The following MMP16 variants were observed in gnomAD, a reference collection of about 807,000 sequenced individuals.
The protein encoded by MMP16 is matrix metalloproteinase-16.
In MMP16, 12 loss-of-function variants were observed where a neutral mutation model predicts 67.8. The ratio of observed to expected loss-of-function variants is 0.18; its 90% confidence interval spans 0.11 to 0.29. The LOEUF is 0.29. Ranked by LOEUF, MMP16 falls within the 10% of genes least tolerant of loss-of-function variation. The pLI is 1.00. For missense variants in MMP16, 475 were observed against 765.7 expected (o/e 0.62, Z 4.48); for synonymous variants, 249 against 255.9 (o/e 0.97, Z 0.26).
chr8:88,100,126 C>A (rs1010249469), intron 6 of MMP16, among the ~76,000 whole-genome samples: 1 of 151,890 alleles, frequency 6.6e-6, no homozygotes, highest in African/African-American at 2.4e-5. Flanking sequence ...GCTTTTGTTG[C>A]CATTGCTTTT....
In MMP16 at chr8:88,098,117, T is replaced by C. The variant is rs551316667; in HGVS notation, c.1083+18390A>G. Among the ~76,000 whole-genome samples, 3 of 152,086 alleles carry C rather than the reference T, an allele frequency of 2.0e-5. No individual in the cohort carries two copies. The South Asian group carries it at 6.2e-4, about 32-fold the overall frequency. ...GACCCAAAGAACTCACTGAAAACTA[T>C]TATGCTCATCGATATGTTTTATTAC... On this transcript the variant is annotated intron_variant, in intron 6 of 9. Transcript: ENST00000286614.
chr8:88,326,843 T>A, intron 1 of MMP16: 1 of 461,830 alleles, frequency 2.2e-6, no homozygotes, highest in South Asian at 2.5e-5. Flanking sequence ...TACAATTGTG[T>A]CTTTGAGCGC....
chr8:88,284,200 A>G (rs1221852716), intron 1 of MMP16, among the ~76,000 whole-genome samples: 2 of 152,168 alleles, frequency 1.3e-5, no homozygotes, highest in Non-Finnish European at 2.9e-5. Flanking sequence ...TAATCCTCCA[A>G]ATACAAAAAG....
chr8:88,143,382 C>T (rs988134661), intron 4 of MMP16, among the ~76,000 whole-genome samples: 6 of 152,060 alleles, frequency 3.9e-5, no homozygotes, highest in African/African-American at 1.4e-4. Context: ...TCTTCCGTAT[C>T]TTCAGCATAA....
chr8:88,294,454 A>G (rs1416561145), intron 1 of MMP16, among the ~76,000 whole-genome samples: 1 of 151,452 alleles, frequency 6.6e-6, no homozygotes, highest in Non-Finnish European at 1.5e-5. Flanking sequence ...ATACACACAT[A>G]TGCATGTCTC....
chr8:88,118,743 G>C lies in MMP16; in HGVS notation c.828C>G (p.Phe276Leu). 1 of 1,613,410 alleles carries C rather than the reference G, an allele frequency of 6.2e-7. No homozygotes were observed. Among genetic ancestry groups the C allele is most frequent in the Non-Finnish European group, 8.5e-7 (1 of 1,179,548 alleles). ...CCTGTAAATCATCATTAGGTAGTTT[G>C]AAGTTGTCTGTTTCCATGTACTGGT... ...PFYQYMETDNFKLPNDDLQGI... is the reference protein window; with the variant it reads ...PFYQYMETDNLKLPNDDLQGI... Residue 276 changes from phenylalanine to leucine, a missense_variant, in exon 5 of 10, where the codon TTC becomes TTG. Transcript: ENST00000286614.
chr8:88,213,779 T>C (rs1194080426), intron 1 of MMP16, among the ~76,000 whole-genome samples: 3 of 152,000 alleles, frequency 2.0e-5, no homozygotes, highest in African/African-American at 7.3e-5. Flanking sequence ...GAAAAAGGAG[T>C]AATCACTTAG....
At chr8:88,308,040 A>T (rs1225543614) in intron 1 of MMP16, among the ~76,000 whole-genome samples, 1 of 152,130 alleles carries the variant, frequency 6.6e-6, no homozygotes, top group Non-Finnish European at 1.5e-5. Flanking sequence ...AAATGTTTAA[A>T]TAAATCTGTG....
intron 1 of MMP16, 69 bp downstream of exon 1, chr8:88,327,006 G>A (rs1465157317): frequency 4.4e-6 from 7 of 1,597,538 alleles, no homozygotes; most frequent in East Asian, 4.5e-5. Flanking sequence ...AAGGATCCCA[G>A]GAGTGAAGGA....
At chr8:88,284,032 C>T (rs1585998480) in intron 1 of MMP16, among the ~76,000 whole-genome samples, 1 of 152,164 alleles carries the variant, frequency 6.6e-6, no homozygotes, top group Non-Finnish European at 1.5e-5. Flanking sequence ...GAATTGTTTG[C>T]CCCCAAACAT....
In MMP16 at chr8:88,056,200, A is replaced by G. The variant is rs149191104; in HGVS notation, c.1301T>C (p.Ile434Thr). The change falls in exon 8 of 10, where the codon ATT becomes ACT. Residue 434 changes from isoleucine (I) to threonine (T), a missense_variant. By Grantham distance (89) the Ile-to-Thr change is moderately conservative. This residue lies in a region of MMP16 where 195 missense variants were observed against 300.9 expected (regional missense o/e 0.65). Transcript: ENST00000286614. ...GGCTGAATCAATACCATGAGGGGGAATTCCACTTCCAAGGGTTATCAAGTC... is the reference window on the plus strand; with the variant it reads ...GGCTGAATCAATACCATGAGGGGGAGTTCCACTTCCAAGGGTTATCAAGTC... ...PHDLITLGSG[I>T]PPHGIDSAIW... The G allele has an allele frequency of 2.5e-6, 4 of 1,602,948 alleles. No homozygotes were observed. In the African/African-American group the frequency reaches 5.4e-5, roughly 21 times the overall value.
chr8:88,319,684 T>G (rs559086861), intron 1 of MMP16, among the ~76,000 whole-genome samples: 2 of 152,168 alleles, frequency 1.3e-5, no homozygotes, highest in African/African-American at 4.8e-5. Flanking sequence ...CTACATTCCA[T>G]TGACATCACA....
At chr8:88,286,685 C>T in intron 1 of MMP16, among the ~76,000 whole-genome samples, 1 of 152,046 alleles carries the variant, frequency 6.6e-6, no homozygotes, top group East Asian at 1.9e-4. Flanking sequence ...ATGCCATTCT[C>T]CTGCCTCAGC....
intron 4 of MMP16, among the ~76,000 whole-genome samples, chr8:88,122,467 T>C (rs1203760139): frequency 6.6e-6 from 1 of 151,996 alleles, no homozygotes; most frequent in Admixed American, 6.6e-5. Context: ...AAACTTCTGA[T>C]GCTCTTAATA....
At position 88,205,821 on chromosome 8, in the gene MMP16, G is replaced by A. The variant is rs148837073; in HGVS notation, c.133-8515C>T. Among the ~76,000 whole-genome samples, 627 of 152,142 alleles carry A rather than the reference G, an allele frequency of 4.1e-3. 5 individuals are homozygous for A. Among genetic ancestry groups the A allele is most frequent in the African/African-American group, 0.014 (570 of 41,514 alleles). ...CCATTTAACTGTAATTCTGACCTCA[G>A]CCAAATGTCCAGACTCTGAGATCAC... is the stretch of plus-strand genomic sequence containing the variant. On this transcript the variant is annotated intron_variant, in intron 1 of 9. Transcript: ENST00000286614.
chr8:88,306,599 T>A (rs949200573), intron 1 of MMP16, among the ~76,000 whole-genome samples: 4 of 152,156 alleles, frequency 2.6e-5, no homozygotes, highest in African/African-American at 9.7e-5. Context: ...GTTGGCTTCA[T>A]CCCTGGGATG....
intron 1 of MMP16, among the ~76,000 whole-genome samples, chr8:88,267,749 T>C (rs548292377): frequency 6.6e-6 from 1 of 152,238 alleles, no homozygotes; most frequent in Non-Finnish European, 1.5e-5. Flanking sequence ...ATAGTCAGCA[T>C]AGTCAAATTT....
intron 6 of MMP16, among the ~76,000 whole-genome samples, chr8:88,075,938 T>TACACACACACACACACACACAC (rs71556442): frequency 5.0e-5 from 7 of 140,408 alleles, no homozygotes; most frequent in Non-Finnish European, 6.1e-5. Flanking sequence ...CATATATTCA[T>TACACACACACACACACACACAC]ACACACACAC....
intron 1 of MMP16, among the ~76,000 whole-genome samples, chr8:88,317,529 A>G (rs1018208033): frequency 3.3e-5 from 5 of 152,210 alleles, no homozygotes; most frequent in African/African-American, 1.2e-4. Flanking sequence ...TGGGAAACCA[A>G]GAAGTTCATG....
Sources: allele counts gnomAD v4.1 joint callset (sites outside exome capture counted in the v4.1 genomes callset), GRCh38; gene constraint gnomAD v4.1.1; regional missense constraint gnomAD v4.1.1; transcripts MANE v1.5; gene names NCBI Gene and HGNC (gene_info 2026-07-23, HGNC 2026-07-21).